ANOS1: variants seen among roughly 807,000 people sequenced by gnomAD.
ANOS1 encodes anosmin 1, also known as anosmin-1.
Under a neutral mutation model 59.0 loss-of-function variants are expected in ANOS1, and 6 were observed. The observed-to-expected ratio is 0.10, with a 90% CI of 0.06 to 0.20. The LOEUF is 0.20. Among genes scored for constraint, ANOS1 ranks in the 10% least tolerant of loss-of-function variants. The probability of loss-of-function intolerance (pLI) is 1.00; values close to 1 mark genes in which losing one functional copy is unlikely to be tolerated. For synonymous variants in ANOS1, 217 were observed against 223.4 expected, an observed-to-expected ratio of 0.97 and a Z score of 0.25; for missense variants, 433 against 542.3, an observed-to-expected ratio of 0.80 and a Z score of 2.00.
At chrX:8,587,374 A>C (rs16985056) in intron 5 of ANOS1, among the ~76,000 whole-genome samples, 7,993 of 110,948 alleles carry the variant, frequency 0.072, 267 homozygotes, top group Admixed American at 0.13. Context: ...CCATGCTCCT[A>C]AAGTCTGTGG....
At chrX:8,602,469 T>G (rs761207004) in intron 3 of ANOS1, among the ~76,000 whole-genome samples, 1 of 111,413 alleles carries the variant, frequency 9.0e-6, no homozygotes, top group Non-Finnish European at 1.9e-5. Context: ...ATAATACAAA[T>G]TACTCAGAGA....
Position 8,731,969 on chromosome X carries a change from A to G in ANOS1, c.68T>C (p.Leu23Pro). 4.5e-6 allele frequency: 5 copies of G among 1,107,217 alleles called. No individual in the cohort carries two copies. The highest frequency in any genetic ancestry group is 5.9e-6 in the Non-Finnish European group (5 of 847,693). The allele number at this position is 1,107,217 out of a possible 1,213,427, so 91.2% of individuals were successfully genotyped here. A position where few individuals can be genotyped will look rare whatever the true frequency, so the allele number is the denominator to read the frequency against. ...CLWLAASSGC[L>P]AAGPGAAAAR... is the part of the protein sequence containing the mutation. Reference sequence around the variant, plus strand: ...AGCAGCCGCGCCGGGGCCGGCCGCCAGGCAGCCGCTGGAGGCCGCCAGCCA... The same window carrying G: ...AGCAGCCGCGCCGGGGCCGGCCGCCGGGCAGCCGCTGGAGGCCGCCAGCCA... The change falls in exon 1 of 14, where the codon CTG becomes CCG. Residue 23 changes from leucine (L) to proline (P), a missense_variant. Transcript: ENST00000262648.
chrX:8,645,478 T>C (rs988515207), intron 2 of ANOS1, among the ~76,000 whole-genome samples: 1 of 112,375 alleles, frequency 8.9e-6, no homozygotes, highest in African/African-American at 3.2e-5. Context: ...TACCCTAACA[T>C]AGCAGTAGAT....
At chrX:8,538,537 A>T (rs955882326) in intron 10 of ANOS1, among the ~76,000 whole-genome samples, 4 of 111,763 alleles carry the variant, frequency 3.6e-5, no homozygotes, top group African/African-American at 1.3e-4. Flanking sequence ...AATTGCATTG[A>T]CATAAGCCCA....
At chrX:8,695,632 C>T (rs1173287855) in intron 2 of ANOS1, among the ~76,000 whole-genome samples, 1 of 104,757 alleles carries the variant, frequency 9.5e-6, no homozygotes, top group East Asian at 3.0e-4. Context: ...GAAAATATGG[C>T]TCATTTGCTA....
At chrX:8,632,931 T>C (rs940630959) in intron 2 of ANOS1, among the ~76,000 whole-genome samples, 1 of 111,647 alleles carries the variant, frequency 9.0e-6, no homozygotes, top group Admixed American at 9.5e-5. Context: ...AGATGAAAGC[T>C]GTTTTTTTCT....
chrX:8,660,503 G>A (rs1388557125), intron 2 of ANOS1, among the ~76,000 whole-genome samples: 3 of 111,384 alleles, frequency 2.7e-5, no homozygotes, highest in African/African-American at 6.5e-5. Context: ...GGCCAGGGAC[G>A]GGGGCTCATA....
At chrX:8,612,592 A>G in intron 3 of ANOS1, among the ~76,000 whole-genome samples, 1 of 109,031 alleles carries the variant, frequency 9.2e-6, no homozygotes, top group Non-Finnish European at 1.9e-5. Flanking sequence ...AATTGACAAA[A>G]TTCTATTGGG....
intron 2 of ANOS1, among the ~76,000 whole-genome samples, chrX:8,654,586 A>G (rs763518734): frequency 8.9e-6 from 1 of 112,627 alleles, no homozygotes; most frequent in Non-Finnish European, 1.9e-5. Context: ...AAAGAATTTA[A>G]CATAAAGAGC....
intron 9 of ANOS1, among the ~76,000 whole-genome samples, chrX:8,548,076 A>G (rs182100251): frequency 1.5e-3 from 168 of 112,662 alleles, no homozygotes; most frequent in African/African-American, 5.1e-3. Context: ...TTTTGGATGT[A>G]TTAAAATACT....
chrX:8,553,285 T>A (rs1288927815), intron 9 of ANOS1, among the ~76,000 whole-genome samples: 2 of 109,520 alleles, frequency 1.8e-5, no homozygotes, highest in East Asian at 5.5e-4. Context: ...TAAGGATAAA[T>A]GTATTGCAGC....
Position 8,594,687 on chromosome X carries a change from T to TACACAC in ANOS1, c.541+2346_541+2347insGTGTGT, listed in dbSNP as rs1555895612. Among the ~76,000 whole-genome samples the TACACAC allele has an allele frequency of 1.6e-3, 69 of 42,421 alleles. 4 individuals are homozygous for TACACAC. Among genetic ancestry groups the TACACAC allele is most frequent in the African/African-American group, 7.4e-3 (68 of 9,202 alleles). The allele number at this position is 42,421 out of a possible 115,157, so 36.8% of individuals were successfully genotyped here. ...ATATATATATATATATATATATATA[T>TACACAC]ATATATATATACACATATATATACA... is the stretch of plus-strand genomic sequence containing the variant. On this transcript the variant is annotated intron_variant, in intron 4 of 13. Coordinates refer to ENST00000262648, the MANE Select transcript of ANOS1 (RefSeq NM_000216.4).
intron 2 of ANOS1, among the ~76,000 whole-genome samples, chrX:8,660,058 A>C (rs908675505): frequency 8.9e-6 from 1 of 112,116 alleles, no homozygotes; most frequent in East Asian, 2.8e-4. Flanking sequence ...CATCATGGAA[A>C]ACATGAACAA....
At chrX:8,686,555 TAAGAGG>T (rs1932525177) in intron 2 of ANOS1, among the ~76,000 whole-genome samples, 1 of 112,326 alleles carries the variant, frequency 8.9e-6, no homozygotes, top group Non-Finnish European at 1.9e-5. Context: ...AGACCAATTG[TAAGAGG>T]AAAACACTAT....
At chrX:8,614,645 T>C (rs1079855) in intron 3 of ANOS1, among the ~76,000 whole-genome samples, 41,792 of 109,941 alleles carry the variant, frequency 0.38, 5,801 homozygotes, top group South Asian at 0.43. Context: ...AAGTGCTTTA[T>C]ATGCATTCAA....
In ANOS1 at chrX:8,549,216, T is replaced by C. The variant is rs185669689; in HGVS notation, c.1354+4736A>G. Among the ~76,000 whole-genome samples the C allele has an allele frequency of 5.3e-5, 6 of 112,643 alleles. No homozygotes were observed. In the East Asian group the frequency reaches 1.7e-3, roughly 31 times the overall value. The stretch of plus-strand genomic sequence containing the variant: ...TATGGTTTCTTTAAAGATTTCAGTA[T>C]TTGAGAAAACCACTGATATTCTTCA... On this transcript the variant is annotated intron_variant, in intron 9 of 13. Coordinates refer to ENST00000262648, the MANE Select transcript of ANOS1 (RefSeq NM_000216.4).
intron 1 of ANOS1, among the ~76,000 whole-genome samples, chrX:8,706,888 C>T (rs1932782992): frequency 8.9e-6 from 1 of 111,791 alleles, no homozygotes; most frequent in African/African-American, 3.3e-5. Flanking sequence ...CTACAGGAAA[C>T]AAATATTTGA....
intron 2 of ANOS1, among the ~76,000 whole-genome samples, chrX:8,635,856 T>C (rs1381133622): frequency 8.9e-6 from 1 of 111,857 alleles, no homozygotes; most frequent in Non-Finnish European, 1.9e-5. Flanking sequence ...TCAAGAATCC[T>C]GGCAGAGCCA....
Position 8,668,394 on chromosome X carries a change from CATATATATATATATATATATATATAT to C in ANOS1, c.255+31278_255+31303del, listed in dbSNP as rs202229567. ...TTTTTATGGCTGAATAGTATTCCAT[CATATATATATATATATATATATATAT>C]ATATATATATACACACACATACATA... is the stretch of plus-strand genomic sequence containing the variant. On this transcript the variant is annotated intron_variant, in intron 2 of 13. Transcript: ENST00000262648. Among the ~76,000 whole-genome samples, 6 of 51,570 alleles carry C rather than the reference CATATATATATATATATATATATATAT, an allele frequency of 1.2e-4. No individual in the cohort carries two copies. The South Asian group carries it at 8.5e-3, about 73-fold the overall frequency. 44.8% of individuals were successfully genotyped at this position (51,570 alleles called of 115,157 possible).
Sources: gnomAD v4.1 joint callset for allele counts (sites outside exome capture counted in the v4.1 genomes callset) on GRCh38, gnomAD v4.1.1 for gene constraint, MANE v1.5 for transcripts, NCBI Gene and HGNC (gene_info 2026-07-23, HGNC 2026-07-21) for gene names.